The following GRM1 variants were observed in gnomAD, a reference collection of about 807,000 sequenced individuals.
GRM1 encodes metabotropic glutamate receptor 1.
In GRM1, 33 loss-of-function variants were observed where a neutral mutation model predicts 90.9. The observed-to-expected ratio is 0.36, with a 90% CI of 0.28 to 0.49. GRM1 has a LOEUF of 0.49. Ranked by LOEUF, GRM1 falls within the 20% of genes least tolerant of loss-of-function variation. The pLI is 0.99. For synonymous variants in GRM1, 700 were observed against 613.2 expected (o/e 1.14, Z -2.09); for missense variants, 1,190 against 1,534.3 (o/e 0.78, Z 3.75).
chr6:146,314,773 G>A (rs1166101394), intron 3 of GRM1, among the ~76,000 whole-genome samples: 1 of 151,906 alleles, frequency 6.6e-6, no homozygotes, highest in East Asian at 1.9e-4. Flanking sequence ...AGGTGAAGGG[G>A]TTATTTTATG....
intron 2 of GRM1, among the ~76,000 whole-genome samples, chr6:146,162,806 G>A (rs1427188373): frequency 1.8e-4 from 26 of 141,486 alleles, no homozygotes; most frequent in Admixed American, 1.7e-3. Flanking sequence ...AAAAAATGTG[G>A]TGGTAATGAA....
chr6:146,074,874 C>G (rs1426827941), intron 1 of GRM1, among the ~76,000 whole-genome samples: 3 of 152,118 alleles, frequency 2.0e-5, no homozygotes, highest in Non-Finnish European at 4.4e-5. Flanking sequence ...GTCCAAAATA[C>G]CTGTGCAAAT....
At chr6:146,048,818 A>G (rs767811787) in intron 1 of GRM1, among the ~76,000 whole-genome samples, 1 of 151,968 alleles carries the variant, frequency 6.6e-6, no homozygotes, top group Non-Finnish European at 1.5e-5. Flanking sequence ...AACCACCAAA[A>G]GCTAGGAGAA....
intron 1 of GRM1, among the ~76,000 whole-genome samples, chr6:146,047,928 A>G (rs1288906487): frequency 6.6e-6 from 1 of 152,006 alleles, no homozygotes; most frequent in Non-Finnish European, 1.5e-5. Context: ...ACACCTAGCT[A>G]TGATGCCACC....
At chr6:146,031,546 A>G (rs1790707866) in intron 1 of GRM1, among the ~76,000 whole-genome samples, 1 of 152,202 alleles carries the variant, frequency 6.6e-6, no homozygotes, top group Admixed American at 6.5e-5. Flanking sequence ...ATAGGATTAC[A>G]CATTATAATT....
intron 6 of GRM1, among the ~76,000 whole-genome samples, chr6:146,388,321 G>A (rs918453722): frequency 2.0e-5 from 3 of 151,928 alleles, no homozygotes; most frequent in African/African-American, 7.3e-5. Flanking sequence ...CTGACTCCAT[G>A]TCTTTTTGGG....
intron 1 of GRM1, among the ~76,000 whole-genome samples, chr6:146,034,972 A>G (rs1790836925): frequency 6.6e-6 from 1 of 152,012 alleles, no homozygotes; most frequent in Admixed American, 6.6e-5. Flanking sequence ...AGTAAAAGCA[A>G]TCACAGTATA....
At chr6:146,330,665 A>G (rs1161261348) in intron 3 of GRM1, among the ~76,000 whole-genome samples, 2 of 152,080 alleles carry the variant, frequency 1.3e-5, no homozygotes, top group African/African-American at 2.4e-5. Flanking sequence ...TCCCCAATCT[A>G]TTGGTTACTT....
At chr6:146,120,088 C>T (rs539472839) in intron 1 of GRM1, among the ~76,000 whole-genome samples, 2 of 152,258 alleles carry the variant, frequency 1.3e-5, no homozygotes, top group South Asian at 2.1e-4. Context: ...GAGTGTTCTT[C>T]CATTTGTTTG....
At chr6:146,381,998 C>T (rs1373204484) in intron 5 of GRM1, among the ~76,000 whole-genome samples, 2 of 152,038 alleles carry the variant, frequency 1.3e-5, no homozygotes, top group Non-Finnish European at 2.9e-5. Flanking sequence ...TGAATCATAA[C>T]ATTGTGTGTA....
chr6:146,387,101 A>C, intron 6 of GRM1, 85 bp downstream of exon 6: 117 of 1,249,918 alleles, frequency 9.4e-5, no homozygotes, highest in Middle Eastern at 1.9e-4. Flanking sequence ...TGATTAGCTC[A>C]TGTCTTCTCA....
intron 2 of GRM1, among the ~76,000 whole-genome samples, chr6:146,177,081 T>G (rs1326185477): frequency 6.6e-6 from 1 of 152,146 alleles, no homozygotes; most frequent in Non-Finnish European, 1.5e-5. Flanking sequence ...CTGAGCTTTC[T>G]TTTCTTCTTT....
chr6:146,046,822 C>T (rs1214415628), intron 1 of GRM1, among the ~76,000 whole-genome samples: 6 of 151,696 alleles, frequency 4.0e-5, no homozygotes, highest in African/African-American at 1.5e-4. Context: ...GTTTTTAGTC[C>T]AGATGGAGGG....
chr6:146,274,378 C>A (rs1279714288), intron 2 of GRM1, among the ~76,000 whole-genome samples: 1 of 152,138 alleles, frequency 6.6e-6, no homozygotes, highest in African/African-American at 2.4e-5. Context: ...TCTAAGAATA[C>A]TGCAAAGAAT....
At chr6:146,055,348 A>T (rs927349588) in intron 1 of GRM1, among the ~76,000 whole-genome samples, 3 of 152,126 alleles carry the variant, frequency 2.0e-5, no homozygotes, top group African/African-American at 7.2e-5. Flanking sequence ...ATATTTTAAT[A>T]TTTTAAATAC....
chr6:146,126,073 G>A (rs1208346887), intron 1 of GRM1, among the ~76,000 whole-genome samples: 1 of 151,984 alleles, frequency 6.6e-6, no homozygotes, highest in Non-Finnish European at 1.5e-5. Context: ...AAAAATTTCT[G>A]CTTTATATTT....
chr6:146,241,664 C>G (rs1239367412), intron 2 of GRM1, among the ~76,000 whole-genome samples: 2 of 152,118 alleles, frequency 1.3e-5, no homozygotes, highest in Non-Finnish European at 1.5e-5. Context: ...CTACTTGATT[C>G]TCCACCAGCT....
chr6:146,376,414 T>C (rs551830519), intron 5 of GRM1, among the ~76,000 whole-genome samples: 10 of 152,178 alleles, frequency 6.6e-5, no homozygotes, highest in Non-Finnish European at 1.0e-4. Context: ...TGTTCTTTTC[T>C]TTCTGATGGA....
At chr6:146,423,872 T>TTAA (rs1769838594) in intron 7 of GRM1, among the ~76,000 whole-genome samples, 2 of 152,108 alleles carry the variant, frequency 1.3e-5, no homozygotes, top group African/African-American at 4.8e-5. Context: ...AGAGGTAAAG[T>TTAA]GTTAAAGGTA....
Sources: allele counts gnomAD v4.1 joint callset (sites outside exome capture counted in the v4.1 genomes callset), GRCh38; gene constraint gnomAD v4.1.1; transcripts MANE v1.5; gene names NCBI Gene and HGNC (gene_info 2026-07-23, HGNC 2026-07-21).